GRID2: variants seen among roughly 807,000 people sequenced by gnomAD.
The protein encoded by GRID2 is glutamate receptor ionotropic, delta-2.
A neutral mutation model predicts 114.8 loss-of-function variants in GRID2; 33 were observed. The observed-to-expected ratio is 0.29, with a 90% CI of 0.22 to 0.38. The LOEUF is 0.38. Among genes scored for constraint, GRID2 ranks in the 10% least tolerant of loss-of-function variants. The pLI is 1.00. For missense variants in GRID2, 1,184 were observed against 1,257.7 expected (o/e 0.94, Z 0.89); for synonymous variants, 505 against 449.9 (o/e 1.12, Z -1.55).
At chr4:92,439,892 A>G (rs1424838202) in intron 1 of GRID2, among the ~76,000 whole-genome samples, 1 of 145,842 alleles carries the variant, frequency 6.9e-6, no homozygotes, top group African/African-American at 2.4e-5. Context: ...GTAAACCGGC[A>G]GTGTAAACAA....
intron 8 of GRID2, among the ~76,000 whole-genome samples, chr4:93,339,226 G>A (rs1759392849): frequency 6.6e-6 from 1 of 152,156 alleles, no homozygotes; most frequent in Non-Finnish European, 1.5e-5. Context: ...ATATCTTGAA[G>A]TCCTAACAAC....
chr4:93,753,058 C>T (rs556682369), intron 14 of GRID2, among the ~76,000 whole-genome samples: 54 of 152,100 alleles, frequency 3.6e-4, no homozygotes, highest in Non-Finnish European at 3.1e-4. Context: ...AGAGGGATGC[C>T]GAGACTAAAC....
At chr4:93,053,737 C>T (rs1319769117) in intron 2 of GRID2, among the ~76,000 whole-genome samples, 1 of 151,856 alleles carries the variant, frequency 6.6e-6, no homozygotes, top group Non-Finnish European at 1.5e-5. Context: ...TGCTATAGCA[C>T]ATTAACTTAA....
At chr4:92,941,072 G>T (rs1461050244) in intron 2 of GRID2, among the ~76,000 whole-genome samples, 1 of 152,166 alleles carries the variant, frequency 6.6e-6, no homozygotes, top group African/African-American at 2.4e-5. Flanking sequence ...TCAGGATGAT[G>T]CTGGCCTCAT....
At chr4:92,692,567 A>G (rs1034820841) in intron 2 of GRID2, among the ~76,000 whole-genome samples, 3 of 152,182 alleles carry the variant, frequency 2.0e-5, no homozygotes, top group African/African-American at 7.2e-5. Context: ...TAGTCAAAAT[A>G]TAGTAACTTA....
At chr4:93,623,209 A>G (rs1174762374) in intron 13 of GRID2, among the ~76,000 whole-genome samples, 1 of 151,968 alleles carries the variant, frequency 6.6e-6, no homozygotes, top group African/African-American at 2.4e-5. Context: ...GAACCTGTGC[A>G]GGTTTGTTAC....
At chr4:92,366,247 A>G (rs973580977) in intron 1 of GRID2, among the ~76,000 whole-genome samples, 2 of 151,978 alleles carry the variant, frequency 1.3e-5, no homozygotes, top group South Asian at 2.1e-4. Context: ...TAAATCCTCC[A>G]TGTTTCTTAG....
At chr4:92,666,118 C>A (rs2149272522) in intron 2 of GRID2, among the ~76,000 whole-genome samples, 1 of 151,414 alleles carries the variant, frequency 6.6e-6, no homozygotes, top group South Asian at 2.1e-4. Flanking sequence ...TATTTCCATC[C>A]CTCAGATTCA....
At chr4:93,647,123 A>G (rs976999121) in intron 14 of GRID2, among the ~76,000 whole-genome samples, 1 of 152,174 alleles carries the variant, frequency 6.6e-6, no homozygotes, top group African/African-American at 2.4e-5. Context: ...TGATGATGTT[A>G]GAGATTAGTA....
At chr4:93,529,793 T>C (rs574202040) in intron 13 of GRID2, among the ~76,000 whole-genome samples, 67 of 152,238 alleles carry the variant, frequency 4.4e-4, no homozygotes, top group Non-Finnish European at 7.1e-4. Flanking sequence ...AAGTGGCAAA[T>C]GTTGCTTCCC....
rs553590075 is a variant in GRID2, at chr4:92,960,451, G to A, written c.245-124544G>A. 3.3e-5 allele frequency among the ~76,000 whole-genome samples: 5 copies of A among 152,054 alleles called. No individual in the cohort carries two copies. In the South Asian group the frequency reaches 1.0e-3, roughly 32 times the overall value. On this transcript the variant is annotated intron_variant, in intron 2 of 15. Transcript: ENST00000282020. The stretch of plus-strand genomic sequence containing the variant: ...ATGTATTCCGATGCAATGCTGTTAA[G>A]TATGTACATATTAAGGACTGTCATG...
chr4:92,441,729 G>A (rs919511910), intron 1 of GRID2, among the ~76,000 whole-genome samples: 13 of 152,010 alleles, frequency 8.6e-5, no homozygotes, highest in Non-Finnish European at 1.8e-4. Context: ...AGTGGGGTAA[G>A]GGTGATTAGG....
chr4:93,326,024 T>G (rs1425226536), intron 8 of GRID2, among the ~76,000 whole-genome samples: 1 of 152,170 alleles, frequency 6.6e-6, no homozygotes, highest in Non-Finnish European at 1.5e-5. Flanking sequence ...TGTTTTTGGA[T>G]GCACAGATGT....
chr4:93,741,197 ATATGTATATATATATATAT>A (rs1731382164), intron 14 of GRID2, among the ~76,000 whole-genome samples: 3 of 30,700 alleles, frequency 9.8e-5, no homozygotes, highest in African/African-American at 4.1e-4. Context: ...ATATATATAT[ATATGTATATATATATATAT>A]TCTCAGACTC....
At chr4:92,878,032 G>A (rs2149453694) in intron 2 of GRID2, among the ~76,000 whole-genome samples, 1 of 152,174 alleles carries the variant, frequency 6.6e-6, no homozygotes, top group East Asian at 1.9e-4. Flanking sequence ...TCAAAATTAG[G>A]ACATAAATTC....
rs1734153225 is a variant in GRID2 at position 93,772,099 on chromosome 4, G to A, written c.2625G>A (p.Glu875=). Residue 875 remains glutamate, a synonymous_variant, in exon 16 of 16, where the codon GAG becomes GAA. Coordinates refer to ENST00000282020, the MANE Select transcript of GRID2 (RefSeq NM_001510.4). ...SKEDDKEIDL[E]HLHRRVNSLC... is the part of the protein sequence containing the mutation. Reference sequence around the variant, plus strand: ...AGGATGACAAGGAAATTGACCTGGAGCACCTCCATAGACGTGTAAATAGCT... The same window carrying A: ...AGGATGACAAGGAAATTGACCTGGAACACCTCCATAGACGTGTAAATAGCT... 5.6e-6 allele frequency: 9 copies of A among 1,609,978 alleles called. No individual in the cohort carries two copies. Among genetic ancestry groups the A allele is most frequent in the Non-Finnish European group, 7.6e-6 (9 of 1,176,566 alleles).
intron 4 of GRID2, among the ~76,000 whole-genome samples, chr4:93,188,000 G>C (rs1416441053): frequency 6.6e-6 from 1 of 151,208 alleles, no homozygotes; most frequent in Non-Finnish European, 1.5e-5. Context: ...GCTCTCACAG[G>C]GTTTGCGGAA....
At chr4:92,935,962 C>G (rs1478013980) in intron 2 of GRID2, among the ~76,000 whole-genome samples, 1 of 145,712 alleles carries the variant, frequency 6.9e-6, no homozygotes. Context: ...GTGCAGCACA[C>G]CAGCATGGCA....
At chr4:93,344,088 C>G (rs942238709) in intron 8 of GRID2, among the ~76,000 whole-genome samples, 2 of 151,982 alleles carry the variant, frequency 1.3e-5, no homozygotes, top group East Asian at 3.8e-4. Flanking sequence ...ATTACACAGT[C>G]CTCCTTGATG....
Sources: allele counts gnomAD v4.1 joint callset (sites outside exome capture counted in the v4.1 genomes callset), GRCh38; gene constraint gnomAD v4.1.1; transcripts MANE v1.5; gene names NCBI Gene and HGNC (gene_info 2026-07-23, HGNC 2026-07-21).